The following PCDHGA2 variants were observed in gnomAD, a reference collection of about 807,000 sequenced individuals.
PCDHGA2 encodes protocadherin gamma subfamily A, 2, also known as protocadherin gamma-A2.
Under a neutral mutation model 59.2 loss-of-function variants are expected in PCDHGA2, and 40 were observed. The ratio of observed to expected loss-of-function variants is 0.68; its 90% CI spans 0.52 to 0.88. The LOEUF is 0.88. Among genes scored for constraint, PCDHGA2 ranks in the 40% least tolerant of loss-of-function variants. The pLI is 0.00. For synonymous variants in PCDHGA2, 560 were observed against 526.0 expected (o/e 1.06, Z -0.89); for missense variants, 1,226 against 1,204.0 (o/e 1.02, Z -0.27).
At chr5:141,466,384 T>C (rs1209046694) in intron 1 of PCDHGA2, among the ~76,000 whole-genome samples, 9 of 152,168 alleles carry the variant, frequency 5.9e-5, no homozygotes, top group Non-Finnish European at 1.3e-4. Context: ...ACCCATCTAA[T>C]GGAAAGTTTG....
rs749995138 is a variant in PCDHGA2 at position 141,408,745 on chromosome 5, G to A, written c.2424+67350G>A. The A allele has an allele frequency of 3.7e-6, 6 of 1,609,862 alleles. No homozygotes were observed. In the African/African-American group the frequency reaches 4.0e-5, roughly 11 times the overall value. ...ACTCTAATCCTTATTTTTCATTAAT[G>A]GTTAGAGTTAATTCCGATGGTGGCA... On this transcript the variant is annotated intron_variant, in intron 1 of 3. Transcript: ENST00000394576.
chr5:141,374,065 A>G (rs776038796), intron 1 of PCDHGA2: 1 of 1,497,724 alleles, frequency 6.7e-7, no homozygotes, highest in Non-Finnish European at 8.9e-7. Flanking sequence ...ATCCCAGAGA[A>G]GTTCCTAATA....
intron 1 of PCDHGA2, chr5:141,376,149 TCA>T (rs1772336007): frequency 1.2e-6 from 2 of 1,613,934 alleles, no homozygotes; most frequent in Non-Finnish European, 1.7e-6. Context: ...GATTCGGACC[TCA>T]CTCTGTACCT....
intron 1 of PCDHGA2, among the ~76,000 whole-genome samples, chr5:141,455,243 A>G (rs945218710): frequency 1.3e-5 from 2 of 152,146 alleles, no homozygotes; most frequent in Non-Finnish European, 2.9e-5. Flanking sequence ...GTTAAAGGTC[A>G]TAGTACAATC....
intron 1 of PCDHGA2, among the ~76,000 whole-genome samples, chr5:141,464,966 T>C (rs192224238): frequency 1.2e-3 from 178 of 152,274 alleles, no homozygotes; most frequent in Middle Eastern, 3.4e-3. Flanking sequence ...TGTCTTGAAC[T>C]ACTGGCTTCA....
chr5:141,400,194 G>T (rs2093978875), intron 1 of PCDHGA2: 2 of 1,614,034 alleles, frequency 1.2e-6, no homozygotes, highest in Non-Finnish European at 1.7e-6. Flanking sequence ...TTTACCTAGT[G>T]GTGGCCTTGG....
rs375573264 is a variant in PCDHGA2, at chr5:141,350,231, A to G, written c.2424+8836A>G. On this transcript the variant is annotated intron_variant, in intron 1 of 3. Coordinates refer to ENST00000394576, the MANE Select transcript of PCDHGA2 (RefSeq NM_018915.4). ...CATTTCTTTTTGAAAAACATCCCAG[A>G]GGAAAGAAGCTCCGCGGAGAGTTCC... 2,492 of 1,501,598 alleles carry G rather than the reference A, an allele frequency of 1.7e-3. 7 individuals are homozygous for G. Among genetic ancestry groups the G allele is most frequent in the Non-Finnish European group, 2.0e-3 (2,284 of 1,127,078 alleles). 93.0% of individuals were successfully genotyped at this position (1,501,598 alleles called of 1,614,324 possible).
intron 1 of PCDHGA2, chr5:141,383,924 A>G: frequency 1.2e-6 from 2 of 1,613,950 alleles, no homozygotes; most frequent in Non-Finnish European, 1.7e-6. Context: ...GATGTAAATG[A>G]TAATGCTCCA....
chr5:141,433,328 G>A (rs965877578), intron 1 of PCDHGA2: 3 of 724,464 alleles, frequency 4.1e-6, no homozygotes, highest in African/African-American at 3.6e-5. Context: ...GGTGTAACAG[G>A]GACTACAGGT....
intron 1 of PCDHGA2, chr5:141,357,269 C>G: frequency 1.2e-6 from 2 of 1,613,812 alleles, no homozygotes; most frequent in East Asian, 4.5e-5. Flanking sequence ...TCGGGCCTCA[C>G]ACTCTATCTC....
intron 1 of PCDHGA2, chr5:141,387,603 C>G (rs905416609): frequency 1.8e-6 from 1 of 544,680 alleles, no homozygotes; most frequent in African/African-American, 1.9e-5. Context: ...GCAGCAGAGG[C>G]TGTAGTTTCC....
rs1757952435 is a variant in PCDHGA2 at position 141,347,324 on chromosome 5, T to C, written c.2424+5929T>C. On this transcript the variant is annotated intron_variant, in intron 1 of 3. Coordinates refer to ENST00000394576, the MANE Select transcript of PCDHGA2 (RefSeq NM_018915.4). ...ACGAGCCACCCTCCCAGCTAATTTG[T>C]TTTTGTTTTTGTAGAGATGGGGCAA... 2.6e-5 allele frequency among the ~76,000 whole-genome samples: 4 copies of C among 151,966 alleles called. No homozygotes were observed. The South Asian group carries it at 6.2e-4, about 24-fold the overall frequency.
chr5:141,341,642 C>G (rs890518935), intron 1 of PCDHGA2: 1 of 747,438 alleles, frequency 1.3e-6, no homozygotes, highest in Non-Finnish European at 2.1e-6. Flanking sequence ...CCAAAGAGCA[C>G]TGCATTAGGA....
In PCDHGA2 at chr5:141,356,748, T is replaced by C. The variant is rs1178613411; in HGVS notation, c.2424+15353T>C. On this transcript the variant is annotated intron_variant, in intron 1 of 3. Transcript: ENST00000394576. Reference sequence around the variant, plus strand: ...ACTCCAATACAGGGATCCTATATGCTCTTTGCTCCTTCGACTATGAGCAGT... The same window carrying C: ...ACTCCAATACAGGGATCCTATATGCCCTTTGCTCCTTCGACTATGAGCAGT... 3.1e-6 allele frequency: 5 copies of C among 1,613,836 alleles called. No individual in the cohort carries two copies. In the African/African-American group the frequency reaches 6.7e-5, roughly 22 times the overall value.
At position 141,491,502 on chromosome 5, in the gene PCDHGA2, C is replaced by G. The variant is rs751961360; in HGVS notation, c.2425-3305C>G. 1.4e-5 allele frequency: 23 copies of G among 1,614,080 alleles called. No homozygotes were observed. Among genetic ancestry groups the G allele is most frequent in the Non-Finnish European group, 1.8e-5 (21 of 1,180,006 alleles). ...GCCCCAACCTGCAGGTGAGCTCGGA[C>G]GGCACGCTCAAGTACATGGAGGTGA... On this transcript the variant is annotated intron_variant, in intron 1 of 3. Coordinates refer to ENST00000394576, the MANE Select transcript of PCDHGA2 (RefSeq NM_018915.4). This position sits in a 1 kb window ranked among gnomAD's most constrained non-coding sequence, Gnocchi z 6.9.
intron 1 of PCDHGA2, chr5:141,402,863 A>C: frequency 1.2e-5 from 17 of 1,429,924 alleles, no homozygotes; most frequent in Non-Finnish European, 1.6e-5. Flanking sequence ...TCTAAGGAAA[A>C]GATCACCATA....
At chr5:141,344,330 C>A (rs1203905820) in intron 1 of PCDHGA2, 1 of 1,613,948 alleles carries the variant, frequency 6.2e-7, no homozygotes, top group Non-Finnish European at 8.5e-7. Flanking sequence ...GCGCTCAGAT[C>A]CCGCTGTGTC....
At position 141,374,917 on chromosome 5, in the gene PCDHGA2, T is replaced by C. The variant is rs1385873751; in HGVS notation, c.2424+33522T>C. 7.4e-6 allele frequency: 12 copies of C among 1,613,816 alleles called. No homozygotes were observed. In the Admixed American group the frequency reaches 1.5e-4, roughly 20 times the overall value. Reference sequence around the variant, plus strand: ...ATGAAGGAGTCCACGGGGAAGTAACTTATTCCTTTGTGAAGATTACAGAAA... The same window carrying C: ...ATGAAGGAGTCCACGGGGAAGTAACCTATTCCTTTGTGAAGATTACAGAAA... On this transcript the variant is annotated intron_variant, in intron 1 of 3. Coordinates refer to ENST00000394576, the MANE Select transcript of PCDHGA2 (RefSeq NM_018915.4).
Position 141,476,104 on chromosome 5 carries a change from G to A in PCDHGA2, c.2425-18703G>A. 6.3e-7 allele frequency: 1 copy of A among 1,584,700 alleles called. No homozygotes were observed. Among genetic ancestry groups the A allele is most frequent in the Non-Finnish European group, 8.6e-7 (1 of 1,168,500 alleles). On this transcript the variant is annotated intron_variant, in intron 1 of 3. Coordinates refer to ENST00000394576, the MANE Select transcript of PCDHGA2 (RefSeq NM_018915.4). The surrounding 1 kb of genome is among the most constrained non-coding windows in gnomAD (Gnocchi z 7.6). ...GATCTGGACCCCGCTGAGAGGAACTGCTTTTGAGTGAGATGGTCCCAGAGG... is the reference window on the plus strand; with the variant it reads ...GATCTGGACCCCGCTGAGAGGAACTACTTTTGAGTGAGATGGTCCCAGAGG...
Sources: gnomAD v4.1 joint callset for allele counts (sites outside exome capture counted in the v4.1 genomes callset) on GRCh38, gnomAD v4.1.1 for gene constraint, Gnocchi (gnomAD v3.1) non-coding constraint, MANE v1.5 for transcripts, NCBI Gene and HGNC (gene_info 2026-07-23, HGNC 2026-07-21) for gene names.